The following CCDC197 variants were observed in gnomAD, a reference collection of about 807,000 sequenced individuals.
CCDC197 encodes uncharacterized protein CCDC197.
A neutral mutation model predicts 13.4 loss-of-function variants in CCDC197; 24 were observed. The observed-to-expected ratio is 1.80, with a 90% CI of 1.30 to 2.53. The LOEUF is 2.53. Ranked by LOEUF, CCDC197 falls within the 30% of genes most tolerant of loss-of-function variation. CCDC197 has a pLI of 0.00. For missense variants in CCDC197, 255 were observed against 148.8 expected, an observed-to-expected ratio of 1.71 and a Z score of -3.71; for synonymous variants, 99 against 55.5, an observed-to-expected ratio of 1.78 and a Z score of -3.48.
At chr14:93,995,779 T>G (rs189407428), upstream of CCDC197, among the ~76,000 whole-genome samples, 1 of 152,228 alleles carries the variant, frequency 6.6e-6, no homozygotes, top group African/African-American at 2.4e-5. Flanking sequence ...CCTCTCTGGA[T>G]TTTCAGCTTT....
At chr14:94,005,945 A>G (rs1419673518) in intron 6 of CCDC197, among the ~76,000 whole-genome samples, 1 of 152,216 alleles carries the variant, frequency 6.6e-6, no homozygotes, top group Admixed American at 6.5e-5. Context: ...GGTATTATGA[A>G]TATTACTGCT....
chr14:94,011,272 C>G (rs1250678605), downstream of CCDC197, among the ~76,000 whole-genome samples: 1 of 152,230 alleles, frequency 6.6e-6, no homozygotes, highest in African/African-American at 2.4e-5. Context: ...TTCGAGGGCT[C>G]TATGTCATTC....
chr14:94,002,250 C>T (rs1199639543), intron 4 of CCDC197, among the ~76,000 whole-genome samples: 1 of 152,040 alleles, frequency 6.6e-6, no homozygotes, highest in Non-Finnish European at 1.5e-5. Context: ...TTCTTTCCCT[C>T]TCTCTCTCGC....
chr14:93,999,486 C>T (rs1890423485), intron 2 of CCDC197, 97 bp from the exon 3 acceptor site: 5 of 744,038 alleles, frequency 6.7e-6, no homozygotes, highest in Admixed American at 1.8e-5. Flanking sequence ...AGTGCACGTC[C>T]AAGCAGGAGA....
chr14:93,995,782 T>C (rs1890280185), upstream of CCDC197, among the ~76,000 whole-genome samples: 1 of 152,142 alleles, frequency 6.6e-6, no homozygotes, highest in African/African-American at 2.4e-5. Context: ...CTCTGGATTT[T>C]CAGCTTTTCT....
In CCDC197 at chr14:94,003,099, C is replaced by G; in HGVS notation, c.367-124C>G. 1.6e-6 allele frequency: 1 copy of G among 615,122 alleles called. No homozygotes were observed. Among genetic ancestry groups the G allele is most frequent in the Admixed American group, 2.8e-5 (1 of 36,012 alleles). The allele number at this position is 615,122 out of a possible 1,614,324, so 38.1% of individuals were successfully genotyped here. On this transcript the variant is annotated intron_variant, in intron 4 of 6. Coordinates refer to ENST00000636493, the MANE Select transcript of CCDC197 (RefSeq NM_001351596.2). The surrounding 1 kb of genome is among the most constrained non-coding windows in gnomAD (Gnocchi z 5.0). ...TGCATCTCTGGTGCCTTGAATGGCC[C>G]CAGCCACCCACAAGTATTCCTTCCT...
At chr14:94,006,513 T>C (rs1157207108) in intron 6 of CCDC197, among the ~76,000 whole-genome samples, 1 of 151,722 alleles carries the variant, frequency 6.6e-6, no homozygotes, top group Non-Finnish European at 1.5e-5. Flanking sequence ...TGCACCACCA[T>C]ACACGGCTAA....
At chr14:94,008,865 G>A, downstream of CCDC197, 1 of 662,870 alleles carries the variant, frequency 1.5e-6, no homozygotes, top group South Asian at 1.6e-5. Flanking sequence ...TTACCTGCCT[G>A]CCTCCTTTTC....
chr14:93,999,467 G>A, intron 2 of CCDC197, 116 bp from the exon 3 acceptor site: 1 of 697,292 alleles, frequency 1.4e-6, no homozygotes, highest in Non-Finnish European at 2.6e-6. Context: ...AGTGGTACGT[G>A]GCCGGCCCAG....
chr14:94,005,423 T>C (rs1259601389), intron 6 of CCDC197, among the ~76,000 whole-genome samples: 6 of 152,134 alleles, frequency 3.9e-5, no homozygotes, highest in African/African-American at 1.4e-4. Flanking sequence ...GCAGCGGGCA[T>C]TTCAGTGACT....
upstream of CCDC197, among the ~76,000 whole-genome samples, chr14:93,992,769 A>T (rs866959445): frequency 2.6e-5 from 4 of 152,254 alleles, no homozygotes; most frequent in South Asian, 4.1e-4. Context: ...GTGTCCTAGG[A>T]CCTGCTTGGG....
At chr14:93,987,227 G>A (rs1257740720) in exon 1 of CCDC197, 2 of 152,376 alleles carry the variant, frequency 1.3e-5, no homozygotes, top group Non-Finnish European at 2.9e-5. Context: ...GGCCCAGTGG[G>A]ATCAAATGTC....
At chr14:94,002,859 A>AC (rs1890565145) in intron 4 of CCDC197, among the ~76,000 whole-genome samples, 1 of 151,668 alleles carries the variant, frequency 6.6e-6, no homozygotes, top group African/African-American at 2.4e-5. Flanking sequence ...CTCAAAAAAA[A>AC]AAAAAAAACA....
chr14:94,000,930 G>T (rs1380656329), intron 3 of CCDC197: 2 of 417,758 alleles, frequency 4.8e-6, no homozygotes, highest in African/African-American at 4.5e-5. Context: ...AACTTTCCAA[G>T]GTTGAGGATT....
chr14:93,999,527 G>T, intron 2 of CCDC197, 56 bp from the exon 3 acceptor site: 2 of 776,636 alleles, frequency 2.6e-6, no homozygotes, highest in South Asian at 1.3e-5. Flanking sequence ...TCATTCACAG[G>T]GGGTCCTGCG....
chr14:93,993,761 G>T (rs530343654), upstream of CCDC197, among the ~76,000 whole-genome samples: 25 of 152,292 alleles, frequency 1.6e-4, no homozygotes, highest in African/African-American at 5.8e-4. Context: ...CCATTTAATT[G>T]CAGCTCTGTC....
rs901686458 is a variant in CCDC197, at chr14:94,003,526, CAT to C, written c.498+174_498+175del. ...ACAGCCAGACACACACACCCACAGACATAGTCACAGCCAGACACATAGACACA... is the reference window on the plus strand; with the variant it reads ...ACAGCCAGACACACACACCCACAGACAGTCACAGCCAGACACATAGACACA... On this transcript the variant is annotated intron_variant, in intron 5 of 6. Transcript: ENST00000636493. The surrounding 1 kb of genome is among the most constrained non-coding windows in gnomAD (Gnocchi z 5.0). Among the ~76,000 whole-genome samples, 1 of 150,256 alleles carries C rather than the reference CAT, an allele frequency of 6.7e-6. No homozygotes were observed. Among genetic ancestry groups the C allele is most frequent in the African/African-American group, 2.4e-5 (1 of 41,308 alleles).
intron 1 of CCDC197, among the ~76,000 whole-genome samples, chr14:93,989,641 T>G (rs1406441652): frequency 6.6e-6 from 1 of 152,222 alleles, no homozygotes; most frequent in Non-Finnish European, 1.5e-5. Context: ...TTGTTCCTCA[T>G]GCCCACCTGG....
chr14:94,005,341 G>A (rs1003814967), intron 6 of CCDC197, among the ~76,000 whole-genome samples: 1 of 152,108 alleles, frequency 6.6e-6, no homozygotes, highest in African/African-American at 2.4e-5. Flanking sequence ...CTGCAAATAA[G>A]CACACAAACA....
Sources: allele counts gnomAD v4.1 joint callset (sites outside exome capture counted in the v4.1 genomes callset), GRCh38; gene constraint gnomAD v4.1.1; non-coding constraint Gnocchi (gnomAD v3.1); transcripts MANE v1.5; gene names NCBI Gene and HGNC (gene_info 2026-07-23, HGNC 2026-07-21).